RPTOR: variants seen among roughly 807,000 people sequenced by gnomAD.
The protein encoded by RPTOR is regulatory associated protein of MTOR complex 1.
In RPTOR, 21 loss-of-function variants were observed where a neutral mutation model predicts 169.9. The observed-to-expected ratio is 0.12, with a 90% confidence interval of 0.09 to 0.18. The LOEUF (loss-of-function observed/expected upper bound fraction) is 0.18. Among genes scored for constraint, RPTOR ranks in the 10% least tolerant of loss-of-function variants. RPTOR has a pLI of 1.00. For synonymous variants in RPTOR, 732 were observed against 753.2 expected (o/e 0.97, Z 0.46); for missense variants, 1,133 against 1,855.9 (o/e 0.61, Z 7.16).
At chr17:80,924,824 A>G (rs1442242288) in intron 23 of RPTOR, among the ~76,000 whole-genome samples, 1 of 152,194 alleles carries the variant, frequency 6.6e-6, no homozygotes, top group Admixed American at 6.5e-5. Context: ...AGACTCTGAC[A>G]GCCCTGGCCG....
chr17:80,577,747 C>T (rs1240685798), intron 1 of RPTOR, among the ~76,000 whole-genome samples: 1 of 152,198 alleles, frequency 6.6e-6, no homozygotes, highest in Non-Finnish European at 1.5e-5. Flanking sequence ...GCTTCATGCC[C>T]ATCTCCAGTG....
intron 24 of RPTOR, among the ~76,000 whole-genome samples, chr17:80,930,940 G>T (rs1420814555): frequency 6.6e-6 from 1 of 152,254 alleles, no homozygotes; most frequent in Non-Finnish European, 1.5e-5. Flanking sequence ...ACAGTCAGGG[G>T]TCAGGTTTAT....
chr17:80,885,031 C>T lies in RPTOR; in HGVS notation c.1866C>T (p.Ala622=), dbSNP rs142449274. 2,354 of 1,609,876 alleles carry T rather than the reference C, an allele frequency of 1.5e-3. 30 individuals carry two copies. The highest frequency in any genetic ancestry group is 6.9e-4 in the East Asian group (31 of 44,750). The part of the protein sequence containing the change: ...IPEVRCAAVF[A]LGTFVGNSAE... ...AGGTCCGCTGCGCAGCGGTCTTCGC[C>T]CTTGGCACGTTCGTGGGCAACTCTG... The change falls in exon 17 of 34, where the codon GCC becomes GCT. Residue 622 remains alanine (A), a synonymous_variant. Transcript: ENST00000306801.
intron 3 of RPTOR, among the ~76,000 whole-genome samples, chr17:80,658,343 A>G (rs543872355): frequency 5.3e-5 from 8 of 152,112 alleles, no homozygotes; most frequent in South Asian, 2.1e-4. Context: ...TTTTACCTCT[A>G]TTTCATTTTT....
Position 80,861,444 on chromosome 17 carries a change from A to G in RPTOR, c.1509+3544A>G, listed in dbSNP as rs2067915676. Among the ~76,000 whole-genome samples the G allele has an allele frequency of 8.1e-6, 1 of 124,036 alleles. No individual in the cohort carries two copies. Among genetic ancestry groups the G allele is most frequent in the African/African-American group, 2.6e-5 (1 of 38,888 alleles). 81.4% of individuals were successfully genotyped at this position (124,036 alleles called of 152,430 possible). On this transcript the variant is annotated intron_variant, in intron 13 of 33. Transcript: ENST00000306801. The surrounding 1 kb of genome is among the most constrained non-coding windows in gnomAD (Gnocchi z 4.5). ...GACGCGAGAGGTGTGGGTCATTTCT[A>G]TTTTACTCTTCTTCAAATTCACTGA...
rs1567830286 is a variant in RPTOR, at chr17:80,634,228, G to GTGTGCA, written c.265+8436_265+8437insGTGCAT. On this transcript the variant is annotated intron_variant, in intron 2 of 33. Transcript: ENST00000306801. ...GTGTGTGCATACTGTGTGCGTGTGT[G>GTGTGCA]TACTGTGTGTGCGTGCATACTGTAT... Among the ~76,000 whole-genome samples, 19 of 129,406 alleles carry GTGTGCA rather than the reference G, an allele frequency of 1.5e-4. 1 individual carries two copies. The highest frequency in any genetic ancestry group is 4.9e-4 in the African/African-American group (16 of 32,750). 84.9% of individuals were successfully genotyped at this position (129,406 alleles called of 152,430 possible). A position where few individuals can be genotyped will look rare whatever the true frequency, so the allele number is the denominator to read the frequency against.
chr17:80,678,218 A>G (rs2065873958), intron 3 of RPTOR, among the ~76,000 whole-genome samples: 1 of 152,244 alleles, frequency 6.6e-6, no homozygotes. Context: ...TGCAGCAGAA[A>G]AAGACAAAAA....
intron 5 of RPTOR, among the ~76,000 whole-genome samples, chr17:80,749,588 G>C (rs924249781): frequency 6.6e-6 from 1 of 151,912 alleles, no homozygotes; most frequent in Non-Finnish European, 1.5e-5. Context: ...TGGGTGGATG[G>C]AGGGGCTGCG....
In RPTOR at chr17:80,721,659, G is replaced by A. The variant is rs936228490; in HGVS notation, c.508-8901G>A. ...CTGGAAGCTTCCTCAGGGTACTCGGGCTTATTTTGGTAGTCATACACATGA... is the reference window on the plus strand; with the variant it reads ...CTGGAAGCTTCCTCAGGGTACTCGGACTTATTTTGGTAGTCATACACATGA... On this transcript the variant is annotated intron_variant, in intron 4 of 33. Coordinates refer to ENST00000306801, the MANE Select transcript of RPTOR (RefSeq NM_020761.3). This position sits in a 1 kb window ranked among gnomAD's most constrained non-coding sequence, Gnocchi z 4.7. Among the ~76,000 whole-genome samples, 3 of 151,348 alleles carry A rather than the reference G, an allele frequency of 2.0e-5. No individual in the cohort carries two copies. The highest frequency in any genetic ancestry group is 7.4e-5 in the African/African-American group (3 of 40,646).
chr17:80,725,997 T>C (rs1480956415), intron 4 of RPTOR, among the ~76,000 whole-genome samples: 1 of 152,016 alleles, frequency 6.6e-6, no homozygotes, highest in African/African-American at 2.4e-5. Context: ...CATCTAGGTG[T>C]GGGGGTGGCT....
chr17:80,629,259 CTA>C (rs1230623549), intron 2 of RPTOR, among the ~76,000 whole-genome samples: 1 of 151,994 alleles, frequency 6.6e-6, no homozygotes, highest in Non-Finnish European at 1.5e-5. Flanking sequence ...ACTCAGCTCT[CTA>C]TGTATTGTGC....
intron 9 of RPTOR, among the ~76,000 whole-genome samples, chr17:80,826,241 G>A (rs562684192): frequency 1.5e-3 from 228 of 152,310 alleles, no homozygotes; most frequent in Middle Eastern, 6.8e-3. Context: ...GCCTTACCTG[G>A]GGCTGCTGTT....
At position 80,892,866 on chromosome 17, in the gene RPTOR, G is replaced by A; in HGVS notation, c.2239G>A (p.Glu747Lys). ...KSLQNLSLTE[E>K]SGGAVAFSPG... ...TTTGCAGAACCTGAGTTTGACAGAG[G>A]AATGTAAGATCCTGGAAATCGGGTT... The change falls in exon 19 of 34, where the codon GAA becomes AAA. Residue 747 changes from glutamate to lysine, a missense_variant. Coordinates refer to ENST00000306801, the MANE Select transcript of RPTOR (RefSeq NM_020761.3). 1 of 1,613,746 alleles carries A rather than the reference G, an allele frequency of 6.2e-7. No homozygotes were observed. The highest frequency in any genetic ancestry group is 8.5e-7 in the Non-Finnish European group (1 of 1,179,834).
intron 5 of RPTOR, among the ~76,000 whole-genome samples, chr17:80,736,513 TA>T (rs2066434775): frequency 6.6e-6 from 1 of 152,226 alleles, no homozygotes; most frequent in African/African-American, 2.4e-5. Context: ...TCCCCGTAGC[TA>T]AATTTTATGT....
intron 24 of RPTOR, among the ~76,000 whole-genome samples, chr17:80,931,801 CAG>C (rs1364260342): frequency 6.6e-6 from 1 of 152,270 alleles, no homozygotes; most frequent in African/African-American, 2.4e-5. Context: ...GCTAGAGCAA[CAG>C]AGAGCCCTTC....
chr17:80,922,909 C>A, intron 22 of RPTOR, 82 bp downstream of exon 22: 1 of 1,145,302 alleles, frequency 8.7e-7, no homozygotes, highest in Non-Finnish European at 1.2e-6. Flanking sequence ...CCGGCCTCCC[C>A]ATCCTCCTCC....
At chr17:80,727,201 G>A (rs540954309) in intron 4 of RPTOR, among the ~76,000 whole-genome samples, 4 of 148,156 alleles carry the variant, frequency 2.7e-5, no homozygotes, top group Middle Eastern at 3.6e-3. Context: ...CCCCGAGAAC[G>A]TGGACACTGC....
chr17:80,936,846 G>C lies in RPTOR; in HGVS notation c.2920-3650G>C, dbSNP rs2068960490. Among the ~76,000 whole-genome samples, 1 of 152,222 alleles carries C rather than the reference G, an allele frequency of 6.6e-6. No individual in the cohort carries two copies. Among genetic ancestry groups the C allele is most frequent in the Non-Finnish European group, 1.5e-5 (1 of 68,044 alleles). ...AGTGAACGTGCATAGCAAGCTCCGA[G>C]CTTCATTCAGAGCTTCTCCCCCCTC... On this transcript the variant is annotated intron_variant, in intron 24 of 33. Coordinates refer to ENST00000306801, the MANE Select transcript of RPTOR (RefSeq NM_020761.3). The surrounding 1 kb of genome is among the most constrained non-coding windows in gnomAD (Gnocchi z 4.1).
chr17:80,856,311 A>G (rs2067851395), intron 12 of RPTOR, among the ~76,000 whole-genome samples: 1 of 152,144 alleles, frequency 6.6e-6, no homozygotes, highest in Non-Finnish European at 1.5e-5. Flanking sequence ...AAGAGACCTA[A>G]TTTTTTAGAG....
Sources: allele counts gnomAD v4.1 joint callset (sites outside exome capture counted in the v4.1 genomes callset), GRCh38; gene constraint gnomAD v4.1.1; non-coding constraint Gnocchi (gnomAD v3.1); transcripts MANE v1.5; gene names NCBI Gene and HGNC (gene_info 2026-07-23, HGNC 2026-07-21).